SLC25A48: variants seen among roughly 807,000 people sequenced by gnomAD.
SLC25A48 encodes solute carrier family 25 member 48.
A neutral mutation model predicts 32.2 loss-of-function variants in SLC25A48; 29 were observed. The observed-to-expected ratio is 0.90, with a 90% CI of 0.67 to 1.23. SLC25A48 has a LOEUF of 1.23. Ranked by LOEUF, SLC25A48 falls within the 50% of genes most tolerant of loss-of-function variation. SLC25A48 has a pLI of 0.00. For missense variants in SLC25A48, 399 were observed against 422.7 expected (o/e 0.94, Z 0.49); for synonymous variants, 164 against 172.3 (o/e 0.95, Z 0.38).
intron 3 of SLC25A48, among the ~76,000 whole-genome samples, chr5:135,806,287 T>A (rs4976452): frequency 0.13 from 19,857 of 151,638 alleles, 1,706 homozygotes; most frequent in Non-Finnish European, 0.19. Flanking sequence ...ATATCATGGA[T>A]ATCATGCAAA....
At chr5:135,704,142 C>T (rs1189868418) in intron 3 of SLC25A48, among the ~76,000 whole-genome samples, 1 of 152,206 alleles carries the variant, frequency 6.6e-6, no homozygotes, top group African/African-American at 2.4e-5. Flanking sequence ...TTCTGGGCGG[C>T]AGAGGCTCAG....
At chr5:135,822,346 A>C (rs1757913137) in intron 4 of SLC25A48, among the ~76,000 whole-genome samples, 1 of 152,210 alleles carries the variant, frequency 6.6e-6, no homozygotes. Context: ...TAGTAGCTTA[A>C]AACAACACAC....
intron 3 of SLC25A48, among the ~76,000 whole-genome samples, chr5:135,716,921 C>T (rs1754814085): frequency 6.6e-6 from 1 of 152,158 alleles, no homozygotes; most frequent in Non-Finnish European, 1.5e-5. Context: ...CCTAATCACT[C>T]CTTCCCATAA....
intron 3 of SLC25A48, among the ~76,000 whole-genome samples, chr5:135,662,540 C>T (rs1173162991): frequency 6.6e-6 from 1 of 152,148 alleles, no homozygotes; most frequent in East Asian, 1.9e-4. Context: ...TCTGCATGGT[C>T]CTAATACAGA....
intron 3 of SLC25A48, among the ~76,000 whole-genome samples, chr5:135,640,746 A>G (rs932268773): frequency 3.3e-5 from 5 of 152,196 alleles, no homozygotes; most frequent in African/African-American, 4.8e-5. Flanking sequence ...AAGAAAAACC[A>G]TATGATCATC....
intron 1 of SLC25A48, among the ~76,000 whole-genome samples, chr5:135,841,852 C>T (rs748403021): frequency 6.6e-6 from 1 of 152,184 alleles, no homozygotes; most frequent in Non-Finnish European, 1.5e-5. Flanking sequence ...CCAGAGGAAT[C>T]TTTATTGCTT....
intron 6 of SLC25A48, among the ~76,000 whole-genome samples, chr5:135,879,070 G>A (rs1310251428): frequency 6.6e-6 from 1 of 152,114 alleles, no homozygotes; most frequent in Non-Finnish European, 1.5e-5. Flanking sequence ...GCAGTGTTTG[G>A]GAAGCATCAC....
chr5:135,704,695 A>G (rs192832368), intron 3 of SLC25A48, among the ~76,000 whole-genome samples: 21 of 152,264 alleles, frequency 1.4e-4, no homozygotes, highest in African/African-American at 4.1e-4. Flanking sequence ...TATTATTCCC[A>G]TTTTACAGAA....
At chr5:135,879,910 G>T in intron 6 of SLC25A48, 58 bp from the exon 7 acceptor site, 1 of 1,521,048 alleles carries the variant, frequency 6.6e-7, no homozygotes, top group Admixed American at 2.0e-5. Context: ...GCCCCTCCTT[G>T]GTGGCCCTGC....
At chr5:135,637,401 C>T (rs770376646) in intron 3 of SLC25A48, among the ~76,000 whole-genome samples, 20 of 152,044 alleles carry the variant, frequency 1.3e-4, no homozygotes, top group Non-Finnish European at 2.6e-4. Context: ...AAGGAAAGTT[C>T]GAGCAAGCAT....
At chr5:135,698,793 A>G (rs1251916808) in intron 3 of SLC25A48, among the ~76,000 whole-genome samples, 3 of 152,260 alleles carry the variant, frequency 2.0e-5, no homozygotes, top group South Asian at 4.1e-4. Context: ...TTTGAAATAC[A>G]TACATCTGAT....
intron 3 of SLC25A48, among the ~76,000 whole-genome samples, chr5:135,646,659 T>TTATATATA (rs34299516): frequency 3.1e-4 from 39 of 125,392 alleles, no homozygotes; most frequent in South Asian, 1.0e-3. Context: ...TAATTTCCCA[T>TTATATATA]TATATATATA....
At position 135,725,301 on chromosome 5, in the gene SLC25A48, T is replaced by C. The variant is rs555430859; in HGVS notation, c.-520-87222T>C. 7.9e-4 allele frequency among the ~76,000 whole-genome samples: 120 copies of C among 152,210 alleles called. 1 individual carries two copies. Among genetic ancestry groups the C allele is most frequent in the Admixed American group, 1.4e-3 (21 of 15,296 alleles). Reference sequence around the variant, plus strand: ...CAAGATACTTCCTGAAGACAAGTGATGTGAAGGAGACAGTCTAGGAGGTGT... The same window carrying C: ...CAAGATACTTCCTGAAGACAAGTGACGTGAAGGAGACAGTCTAGGAGGTGT... On this transcript the variant is annotated intron_variant, in intron 3 of 10. Transcript: ENST00000646290.
chr5:135,638,970 C>T (rs1161899217), intron 3 of SLC25A48, among the ~76,000 whole-genome samples: 1 of 152,170 alleles, frequency 6.6e-6, no homozygotes, highest in African/African-American at 2.4e-5. Context: ...CAAATTTTTG[C>T]TCTCACCTTC....
exon 4 of SLC25A48, chr5:135,812,537 G>T (rs1355616980): frequency 2.0e-5 from 3 of 152,202 alleles, no homozygotes; most frequent in Non-Finnish European, 2.9e-5. Flanking sequence ...CATCCCTCCT[G>T]TTATATTTGC....
intron 4 of SLC25A48, among the ~76,000 whole-genome samples, chr5:135,862,848 AT>A (rs1760908970): frequency 6.6e-6 from 1 of 152,092 alleles, no homozygotes; most frequent in Non-Finnish European, 1.5e-5. Context: ...GTTTTGGAAG[AT>A]GTGGAGTAAG....
intron 4 of SLC25A48, chr5:135,822,057 G>T (rs561277376): frequency 3.9e-5 from 6 of 152,334 alleles, no homozygotes; most frequent in African/African-American, 1.4e-4. Flanking sequence ...CGGGGCCCTC[G>T]CAGGAAAGAA....
chr5:135,653,681 G>T (rs565278351), intron 3 of SLC25A48, among the ~76,000 whole-genome samples: 5 of 152,150 alleles, frequency 3.3e-5, no homozygotes, highest in Non-Finnish European at 2.9e-5. Flanking sequence ...GGAGGGAGAA[G>T]ACTTTCCCAT....
At chr5:135,846,366 G>A (rs1217484528) in intron 2 of SLC25A48, among the ~76,000 whole-genome samples, 1 of 152,206 alleles carries the variant, frequency 6.6e-6, no homozygotes, top group Non-Finnish European at 1.5e-5. Context: ...GAACATCCCA[G>A]TGGGGGTTCT....
Sources: gnomAD v4.1 joint callset for allele counts (sites outside exome capture counted in the v4.1 genomes callset) on GRCh38, gnomAD v4.1.1 for gene constraint, MANE v1.5 for transcripts, NCBI Gene and HGNC (gene_info 2026-07-23, HGNC 2026-07-21) for gene names.